The following MAF variants were observed in gnomAD, a reference collection of about 807,000 sequenced individuals.
MAF encodes the protein MAF bZIP transcription factor.
In MAF, 10 loss-of-function variants were observed where a neutral mutation model predicts 22.0. The observed-to-expected ratio is 0.45, with a 90% CI of 0.28 to 0.77. The LOEUF is 0.77. MAF is among the 30% of genes least tolerant of loss of function. The pLI, the probability that MAF is intolerant of heterozygous loss-of-function variation, is 0.12. For synonymous variants in MAF, 337 were observed against 255.8 expected (o/e 1.32, Z -3.03); for missense variants, 544 against 548.4 (o/e 0.99, Z 0.08).
chr16:79,423,993 A>T, the MAF span, among the ~76,000 whole-genome samples: 1 of 152,190 alleles, frequency 6.6e-6, no homozygotes, highest in Non-Finnish European at 1.5e-5. Flanking sequence ...GCTACAACAC[A>T]ATAATAAATG....
the MAF span, among the ~76,000 whole-genome samples, chr16:79,427,618 G>A: frequency 3.1e-4 from 47 of 151,964 alleles, 1 homozygote; most frequent in Non-Finnish European, 1.2e-4. Flanking sequence ...CCCTTACCCC[G>A]AAGGCCCTCT....
the MAF span, among the ~76,000 whole-genome samples, chr16:79,286,350 T>A: frequency 6.6e-6 from 1 of 152,316 alleles, no homozygotes; most frequent in Non-Finnish European, 1.5e-5. Flanking sequence ...AAAAGTCCTC[T>A]GTACTATCCT....
At chr16:79,246,385 T>G in the MAF span, among the ~76,000 whole-genome samples, 1 of 152,106 alleles carries the variant, frequency 6.6e-6, no homozygotes, top group East Asian at 1.9e-4. Flanking sequence ...CCCACAAATG[T>G]TACCAAAGTC....
the MAF span, among the ~76,000 whole-genome samples, chr16:79,316,550 T>A: frequency 5.3e-5 from 8 of 152,210 alleles, no homozygotes; most frequent in African/African-American, 9.6e-5. Flanking sequence ...AAAGCATCTT[T>A]TTTTTCAGCA....
chr16:79,520,536 T>C, the MAF span, among the ~76,000 whole-genome samples: 1 of 152,132 alleles, frequency 6.6e-6, no homozygotes. Context: ...GAAATCTGGA[T>C]AAGTAGTACA....
chr16:79,337,054 A>G, the MAF span, among the ~76,000 whole-genome samples: 7 of 152,314 alleles, frequency 4.6e-5, no homozygotes, highest in African/African-American at 1.7e-4. Context: ...AGGCTCTGGC[A>G]TGCTCCCTGC....
the MAF span, among the ~76,000 whole-genome samples, chr16:79,508,280 G>A: frequency 1.3e-5 from 2 of 152,158 alleles, no homozygotes; most frequent in Non-Finnish European, 2.9e-5. Flanking sequence ...AGGTCTTCTG[G>A]CTTCTTGTTG....
the MAF span, among the ~76,000 whole-genome samples, chr16:79,535,986 T>C: frequency 6.6e-6 from 1 of 152,202 alleles, no homozygotes; most frequent in South Asian, 2.1e-4. Flanking sequence ...TCTCCCACAG[T>C]TGGCAGTATT....
the MAF span, among the ~76,000 whole-genome samples, chr16:79,402,178 G>T: frequency 1.3e-5 from 2 of 152,180 alleles, no homozygotes; most frequent in Non-Finnish European, 2.9e-5. Flanking sequence ...CATCAAATGG[G>T]GAGTGTGGCA....
chr16:79,553,382 G>C, the MAF span, among the ~76,000 whole-genome samples: 1 of 152,244 alleles, frequency 6.6e-6, no homozygotes, highest in Non-Finnish European at 1.5e-5. Flanking sequence ...CCATAGAGGA[G>C]GGGCTGGTGT....
chr16:79,313,538 G>T, the MAF span, among the ~76,000 whole-genome samples: 3 of 152,126 alleles, frequency 2.0e-5, no homozygotes, highest in East Asian at 5.8e-4. Flanking sequence ...TTTTCATTTT[G>T]TTCTCAAACA....
At chr16:79,310,807 T>A in the MAF span, among the ~76,000 whole-genome samples, 1 of 152,188 alleles carries the variant, frequency 6.6e-6, no homozygotes, top group African/African-American at 2.4e-5. Flanking sequence ...CTGCCCTGAG[T>A]AGTCCCTGGT....
At chr16:79,559,514 T>A in the MAF span, among the ~76,000 whole-genome samples, 1 of 152,180 alleles carries the variant, frequency 6.6e-6, no homozygotes, top group Non-Finnish European at 1.5e-5. Flanking sequence ...TCCGTTCTAC[T>A]AGCAAAGCCA....
the MAF span, among the ~76,000 whole-genome samples, chr16:79,502,620 T>C: frequency 2.0e-4 from 30 of 149,480 alleles, no homozygotes; most frequent in Non-Finnish European, 3.7e-4. Flanking sequence ...GAGCTGAGAT[T>C]GCACCACTGC....
the MAF span, among the ~76,000 whole-genome samples, chr16:79,536,114 T>C: frequency 6.6e-6 from 1 of 152,208 alleles, no homozygotes; most frequent in South Asian, 2.1e-4. Flanking sequence ...GACTTCATGA[T>C]CCTAGTGCTA....
chr16:79,493,331 G>C, the MAF span, among the ~76,000 whole-genome samples: 1 of 152,074 alleles, frequency 6.6e-6, no homozygotes, highest in Non-Finnish European at 1.5e-5. Flanking sequence ...ACAGGTGCCT[G>C]CCACCACGCC....
chr16:79,402,055 G>C, the MAF span, among the ~76,000 whole-genome samples: 1 of 152,276 alleles, frequency 6.6e-6, no homozygotes, highest in East Asian at 1.9e-4. Flanking sequence ...CATGGACTGT[G>C]GGATCAGAAG....
chr16:79,451,327 T>C, the MAF span, among the ~76,000 whole-genome samples: 1 of 152,164 alleles, frequency 6.6e-6, no homozygotes, highest in African/African-American at 2.4e-5. Flanking sequence ...AGGAGGCTAA[T>C]AGGACCACAA....
At chr16:79,212,193 T>C in the MAF span, 3 of 1,463,196 alleles carry the variant, frequency 2.1e-6, no homozygotes, top group Middle Eastern at 2.1e-4. Flanking sequence ...GGGCTGGCCT[T>C]CTCCTACTTA....
Sources: gnomAD v4.1 joint callset for allele counts (sites outside exome capture counted in the v4.1 genomes callset) on GRCh38, gnomAD v4.1.1 for gene constraint, MANE v1.5 for transcripts, NCBI Gene and HGNC (gene_info 2026-07-23, HGNC 2026-07-21) for gene names.